The following PTPRG variants were observed in gnomAD, a reference collection of about 807,000 sequenced individuals.
PTPRG encodes protein tyrosine phosphatase receptor type G, also known as receptor-type tyrosine-protein phosphatase gamma.
Under a neutral mutation model 165.3 loss-of-function variants are expected in PTPRG, and 102 were observed. The observed-to-expected ratio is 0.62, with a 90% CI of 0.53 to 0.73. The LOEUF (loss-of-function observed/expected upper bound fraction) is 0.73, where lower values mean the gene tolerates loss of function less well. Among genes scored for constraint, PTPRG ranks in the 30% least tolerant of loss-of-function variants. The pLI is 0.00. For synonymous variants in PTPRG, 675 were observed against 669.5 expected, an observed-to-expected ratio of 1.01 and a Z score of -0.13; for missense variants, 1,866 against 1,861.4, an observed-to-expected ratio of 1.00 and a Z score of -0.05.
chr3:62,149,949 T>C (rs1704266922), intron 6 of PTPRG, among the ~76,000 whole-genome samples: 1 of 152,254 alleles, frequency 6.6e-6, no homozygotes, highest in Non-Finnish European at 1.5e-5. Flanking sequence ...CATTTCTCTT[T>C]AAACCAGGCA....
intron 10 of PTPRG, among the ~76,000 whole-genome samples, chr3:62,198,847 A>G (rs1312730285): frequency 6.6e-6 from 1 of 152,190 alleles, no homozygotes; most frequent in African/African-American, 2.4e-5. Flanking sequence ...TGCAGTTGAG[A>G]TTGGTTGCCT....
intron 2 of PTPRG, among the ~76,000 whole-genome samples, chr3:61,936,637 G>C (rs572630074): frequency 6.6e-6 from 1 of 152,160 alleles, no homozygotes; most frequent in African/African-American, 2.4e-5. Flanking sequence ...TTGTAGCTGT[G>C]TAGCTCCAAT....
intron 2 of PTPRG, among the ~76,000 whole-genome samples, chr3:61,922,611 G>C (rs942460136): frequency 6.6e-6 from 1 of 152,178 alleles, no homozygotes; most frequent in Non-Finnish European, 1.5e-5. Flanking sequence ...CTCACCCTCA[G>C]CTGTCATATA....
intron 4 of PTPRG, among the ~76,000 whole-genome samples, chr3:62,020,359 C>T (rs1344035931): frequency 6.6e-6 from 1 of 152,100 alleles, no homozygotes; most frequent in Non-Finnish European, 1.5e-5. Flanking sequence ...CATTTAATGT[C>T]ATTTCTAAGA....
chr3:61,861,743 T>G (rs1352670202), intron 2 of PTPRG, among the ~76,000 whole-genome samples: 2 of 152,184 alleles, frequency 1.3e-5, no homozygotes, highest in Non-Finnish European at 2.9e-5. Context: ...CAGAGTTTCT[T>G]CAACTGGCAT....
intron 1 of PTPRG, among the ~76,000 whole-genome samples, chr3:61,708,951 G>T (rs1432947943): frequency 6.6e-6 from 1 of 152,246 alleles, no homozygotes; most frequent in Non-Finnish European, 1.5e-5. Context: ...GGTTTGGCCG[G>T]TTTGGATTCT....
At chr3:62,182,450 A>C (rs115740490) in intron 8 of PTPRG, among the ~76,000 whole-genome samples, 2,957 of 152,304 alleles carry the variant, frequency 0.019, 56 homozygotes, top group South Asian at 0.047. Flanking sequence ...ATCTAAGTTC[A>C]CAAACTTCTG....
intron 1 of PTPRG, among the ~76,000 whole-genome samples, chr3:61,708,746 C>T (rs1363665181): frequency 1.3e-5 from 2 of 152,044 alleles, no homozygotes; most frequent in Admixed American, 6.6e-5. Context: ...CATGAGCCAC[C>T]GCGCCTGGCT....
chr3:62,238,083 T>C (rs1407217101), intron 14 of PTPRG, among the ~76,000 whole-genome samples: 2 of 152,240 alleles, frequency 1.3e-5, no homozygotes, highest in African/African-American at 2.4e-5. Flanking sequence ...AGGGCTATGC[T>C]GTAAGAAAAG....
At chr3:61,700,534 T>C (rs940350594) in intron 1 of PTPRG, among the ~76,000 whole-genome samples, 3 of 152,216 alleles carry the variant, frequency 2.0e-5, no homozygotes, top group African/African-American at 7.2e-5. Context: ...TGCCTACTTT[T>C]ATTACCCATT....
At chr3:61,842,748 C>T (rs956782117) in intron 2 of PTPRG, among the ~76,000 whole-genome samples, 1 of 149,068 alleles carries the variant, frequency 6.7e-6, no homozygotes, top group Non-Finnish European at 1.5e-5. Context: ...ATATTTACTA[C>T]TTCTAGGCCT....
chr3:62,022,457 T>A (rs2041719411), intron 4 of PTPRG, among the ~76,000 whole-genome samples: 1 of 152,186 alleles, frequency 6.6e-6, no homozygotes, highest in Non-Finnish European at 1.5e-5. Flanking sequence ...TTCTCTTGGC[T>A]CAGGAGAGGG....
intron 2 of PTPRG, among the ~76,000 whole-genome samples, chr3:61,922,906 G>A (rs886876950): frequency 6.6e-6 from 1 of 152,216 alleles, no homozygotes; most frequent in African/African-American, 2.4e-5. Context: ...CTCGCAAAGT[G>A]TTGGGGTTAC....
intron 1 of PTPRG, among the ~76,000 whole-genome samples, chr3:61,627,085 A>C (rs1415787460): frequency 3.8e-5 from 5 of 130,156 alleles, no homozygotes; most frequent in African/African-American, 1.5e-4. Flanking sequence ...AATTTGAACA[A>C]ATCAATGTTA....
chr3:61,604,770 G>A (rs1210360763), intron 1 of PTPRG, among the ~76,000 whole-genome samples: 1 of 152,016 alleles, frequency 6.6e-6, no homozygotes, highest in Admixed American at 6.6e-5. Flanking sequence ...CCTATTAGCT[G>A]TGCCACGGCC....
At chr3:62,136,215 G>A (rs564148032) in intron 6 of PTPRG, among the ~76,000 whole-genome samples, 128 of 152,148 alleles carry the variant, frequency 8.4e-4, no homozygotes, top group Non-Finnish European at 1.5e-4. Context: ...ACACCATGAA[G>A]CTAGGCATTG....
At chr3:62,094,174 C>G (rs1220390850) in intron 5 of PTPRG, among the ~76,000 whole-genome samples, 3 of 152,260 alleles carry the variant, frequency 2.0e-5, no homozygotes, top group African/African-American at 7.2e-5. Flanking sequence ...GAAGCCATGT[C>G]TTTCTTACTC....
intron 2 of PTPRG, among the ~76,000 whole-genome samples, chr3:61,872,889 A>G (rs556190806): frequency 6.6e-6 from 1 of 152,320 alleles, no homozygotes; most frequent in African/African-American, 2.4e-5. Flanking sequence ...TAAAACCACT[A>G]CATTTGGATA....
chr3:62,291,119 A>G (rs1341198250), intron 28 of PTPRG, among the ~76,000 whole-genome samples: 3 of 152,174 alleles, frequency 2.0e-5, no homozygotes, highest in African/African-American at 7.2e-5. Context: ...GTATTCATAA[A>G]AAGACATTCA....
Sources: allele counts gnomAD v4.1 joint callset (sites outside exome capture counted in the v4.1 genomes callset), GRCh38; gene constraint gnomAD v4.1.1; transcripts MANE v1.5; gene names NCBI Gene and HGNC (gene_info 2026-07-23, HGNC 2026-07-21).